Variants in GPR18 observed in about 807,000 individuals in gnomAD.
GPR18 encodes the protein G protein-coupled receptor 18.
GPR18 carries 20 observed loss-of-function variants against 22.8 expected under a neutral mutation model. The ratio of observed to expected loss-of-function variants is 0.88; its 90% CI spans 0.62 to 1.28. The LOEUF (loss-of-function observed/expected upper bound fraction) is 1.28, where lower values mean the gene tolerates loss of function less well. GPR18 is among the 50% of genes most tolerant of loss of function. The probability of loss-of-function intolerance (pLI) is 0.00; values close to 1 mark genes in which losing one functional copy is unlikely to be tolerated. For missense variants in GPR18, 379 were observed against 412.0 expected (o/e 0.92, Z 0.69); for synonymous variants, 160 against 155.3 (o/e 1.03, Z -0.22).
At position 99,254,853 on chromosome 13, in the gene GPR18, A is replaced by G; in HGVS notation, c.*24T>C. 2 of 1,575,824 alleles carry G rather than the reference A, an allele frequency of 1.3e-6. No individual in the cohort carries two copies. The highest frequency in any genetic ancestry group is 1.3e-5 in the African/African-American group (1 of 74,182). On this transcript the variant is annotated 3_prime_UTR_variant, in exon 2 of 2. Transcript: ENST00000397470. ...AGTTAGTGAAGTGAATTTTGATGGG[A>G]TTGAAATGAAAGAACCTTATTATTC...
chr13:99,255,451 G>A lies in GPR18; in HGVS notation c.422C>T (p.Ala141Val), dbSNP rs776777158. 9.9e-6 allele frequency: 16 copies of A among 1,613,904 alleles called. No homozygotes were observed. The highest frequency in any genetic ancestry group is 3.3e-5 in the Admixed American group (2 of 59,982). Residue 141 changes from alanine to valine, a missense_variant, in exon 2 of 2, where the codon GCG (alanine) becomes GTG (valine). Ala to Val is a moderately conservative substitution (Grantham distance 64, BLOSUM62 0). Coordinates refer to ENST00000397470, the MANE Select transcript of GPR18 (RefSeq NM_001098200.2). ...ELKNTCKAVLACVGVWIMTLT... is the reference protein window; with the variant it reads ...ELKNTCKAVLVCVGVWIMTLT... Reference sequence around the variant, plus strand: ...GGTCATTATCCAGACTCCCACACACGCCAGCACGGCTTTGCACGTGTTTTT... The same window carrying A: ...GGTCATTATCCAGACTCCCACACACACCAGCACGGCTTTGCACGTGTTTTT...
chr13:99,255,842 C>T lies in GPR18; in HGVS notation c.31G>A (p.Val11Ile). 3 of 1,597,780 alleles carry T rather than the reference C, an allele frequency of 1.9e-6. No homozygotes were observed. Among genetic ancestry groups the T allele is most frequent in the Non-Finnish European group, 2.6e-6 (3 of 1,172,538 alleles). MITLNNQDQP[V>I]PFNSSHPDEY... ...TCTGGATGTGAGCTGTTAAAAGGGA[C>T]AGGTTGATCTTGATTGTTCAGGGTG... The change falls in exon 2 of 2, where the codon GTC becomes ATC. Residue 11 changes from valine (V) to isoleucine (I), a missense_variant. Val to Ile is a conservative substitution (Grantham distance 29). Transcript: ENST00000397470.
intron 1 of GPR18, among the ~76,000 whole-genome samples, chr13:99,256,873 T>G (rs1302779441): frequency 6.6e-6 from 1 of 152,108 alleles, no homozygotes; most frequent in Non-Finnish European, 1.5e-5. Flanking sequence ...GGCATCCCCT[T>G]GTAATATGGA....
intron 1 of GPR18, chr13:99,256,197 G>A (rs2043553093): frequency 1.1e-5 from 2 of 187,290 alleles, no homozygotes; most frequent in African/African-American, 4.7e-5. Context: ...TTGATGAGAT[G>A]ATTCACAGCA....
rs768365665 is a variant in GPR18, at chr13:99,255,112, A to T, written c.761T>A (p.Phe254Tyr). ...CFMPFHICFA[F>Y]LMLGTGENSY... ...GTTCTCCCCCGTTCCCAGCATCAGG[A>T]AAGCGAAACAGATGTGGAAGGGCAT... Residue 254 changes from phenylalanine (F) to tyrosine (Y), a missense_variant, in exon 2 of 2, where the codon TTC becomes TAC. Phe to Tyr is a conservative substitution (Grantham distance 22). Transcript: ENST00000397470. 14 of 1,614,022 alleles carry T rather than the reference A, an allele frequency of 8.7e-6. 1 individual carries two copies. The South Asian group carries it at 1.4e-4, about 16-fold the overall frequency.
Position 99,254,976 on chromosome 13 carries a change from A to G in GPR18, c.897T>C (p.Ser299=), listed in dbSNP as rs1282120285. 1.2e-6 allele frequency: 2 copies of G among 1,613,992 alleles called. No homozygotes were observed. Among genetic ancestry groups the G allele is most frequent in the African/African-American group, 1.3e-5 (1 of 74,888 alleles). Residue 299 remains serine, a synonymous_variant, in exon 2 of 2, where the codon AGT becomes AGC. Transcript: ENST00000397470. The part of the protein sequence containing the change: ...VSKQFQARVI[S]VMLYRNYLRS... ...GAAGGTAATTACGGTATAGCATGACACTAATGACTCGAGCCTGAAATTGTT... is the reference window on the plus strand; with the variant it reads ...GAAGGTAATTACGGTATAGCATGACGCTAATGACTCGAGCCTGAAATTGTT...
At position 99,255,706 on chromosome 13, in the gene GPR18, G is replaced by A. The variant is rs753458670; in HGVS notation, c.167C>T (p.Thr56Met). Residue 56 changes from threonine to methionine, a missense_variant, in exon 2 of 2, where the codon ACG (threonine) becomes ATG (methionine). Physicochemically the swap from Thr to Met is moderately conservative, Grantham distance 81 (BLOSUM62 -1). Coordinates refer to ENST00000397470, the MANE Select transcript of GPR18 (RefSeq NM_001098200.2). The stretch of plus-strand genomic sequence containing the variant: ...CACATTCATCATATAGATGGTTACC[G>A]TGGTTCTCTTCTTGGTGGTACAACT... ...VFSCTTKKRTTVTIYMMNVAL... is the reference protein window; with the variant it reads ...VFSCTTKKRTMVTIYMMNVAL... 2.2e-5 allele frequency: 35 copies of A among 1,613,802 alleles called. No homozygotes were observed. The highest frequency in any genetic ancestry group is 2.4e-5 in the Non-Finnish European group (28 of 1,179,904).
At position 99,255,819 on chromosome 13, in the gene GPR18, T is replaced by C; in HGVS notation, c.54A>G (p.Pro18=). The C allele has an allele frequency of 6.2e-7, 1 of 1,608,522 alleles. No individual in the cohort carries two copies. The highest frequency in any genetic ancestry group is 8.5e-7 in the Non-Finnish European group (1 of 1,177,244). Residue 18 remains proline, a synonymous_variant, in exon 2 of 2, where the codon CCA becomes CCG. Coordinates refer to ENST00000397470, the MANE Select transcript of GPR18 (RefSeq NM_001098200.2). ...DQPVPFNSSH[P]DEYKIAALVF... ...CAAGGGCTGCAATTTTGTATTCATC[T>C]GGATGTGAGCTGTTAAAAGGGACAG...
intron 1 of GPR18, among the ~76,000 whole-genome samples, chr13:99,256,681 G>T (rs1340652607): frequency 6.8e-6 from 1 of 147,046 alleles, no homozygotes; most frequent in African/African-American, 2.5e-5. Flanking sequence ...AACTTGATGT[G>T]TATGTAGAAA....
At position 99,255,133 on chromosome 13, in the gene GPR18, G is replaced by A. The variant is rs2043522870; in HGVS notation, c.740C>T (p.Pro247Leu). ...CAGGAAAGCGAAACAGATGTGGAAG[G>A]GCATAAAGCAGACGAGCACCTGCAC... ...LLVQVLVCFMPFHICFAFLML... is the reference protein window; with the variant it reads ...LLVQVLVCFMLFHICFAFLML... Residue 247 changes from proline (P) to leucine (L), a missense_variant, in exon 2 of 2, where the codon CCC (proline) becomes CTC (leucine). Physicochemically the swap from Pro to Leu is moderately conservative, Grantham distance 98. Transcript: ENST00000397470. 2 of 1,613,962 alleles carry A rather than the reference G, an allele frequency of 1.2e-6. No individual in the cohort carries two copies. Among genetic ancestry groups the A allele is most frequent in the Non-Finnish European group, 1.7e-6 (2 of 1,180,022 alleles).
At chr13:99,256,432 TAGTGCACA>T (rs1463138980) in intron 1 of GPR18, 2 of 152,232 alleles carry the variant, frequency 1.3e-5, no homozygotes, top group Non-Finnish European at 2.9e-5. Flanking sequence ...AGCTGTTTTC[TAGTGCACA>T]ATTGGGAGTA....
chr13:99,256,430 T>C lies in GPR18; in HGVS notation c.-34-524A>G, dbSNP rs372329866. 18 of 152,316 alleles carry C rather than the reference T, an allele frequency of 1.2e-4. No homozygotes were observed. The East Asian group carries it at 2.9e-3, about 24-fold the overall frequency. The allele number at this position is 152,316 out of a possible 1,614,324, so 9.4% of individuals were successfully genotyped here. A position where few individuals can be genotyped will look rare whatever the true frequency, so the allele number is the denominator to read the frequency against. On this transcript the variant is annotated intron_variant, in intron 1 of 1. Transcript: ENST00000397470. ...TGTTAGAGCAATAGATGAGCTGTTTTCTAGTGCACAATTGGGAGTACGTAA... is the reference window on the plus strand; with the variant it reads ...TGTTAGAGCAATAGATGAGCTGTTTCCTAGTGCACAATTGGGAGTACGTAA...
intron 1 of GPR18, 84 bp from the exon 2 acceptor site, chr13:99,255,990 CAGTGAATTTTAAGTTCG>C (rs2043548534): frequency 1.0e-6 from 1 of 954,632 alleles, no homozygotes; most frequent in Admixed American, 2.7e-5. Context: ...GCTTGACTGC[CAGTGAATTTTAAGTTCG>C]AGAGCATTTA....
rs771435262 is a variant in GPR18 at position 99,255,125 on chromosome 13, T to G, written c.748A>C (p.Ile250Leu). The G allele has an allele frequency of 7.4e-6, 12 of 1,613,932 alleles. No individual in the cohort carries two copies. In the Admixed American group the frequency reaches 1.8e-4, roughly 25 times the overall value. Residue 250 changes from isoleucine (I) to leucine (L), a missense_variant, in exon 2 of 2, where the codon ATC becomes CTC. Coordinates refer to ENST00000397470, the MANE Select transcript of GPR18 (RefSeq NM_001098200.2). ...QVLVCFMPFH[I>L]CFAFLMLGTG... ...CCCAGCATCAGGAAAGCGAAACAGA[T>G]GTGGAAGGGCATAAAGCAGACGAGC...
rs760134164 is a variant in GPR18 at position 99,255,614 on chromosome 13, A to C, written c.259T>G (p.Trp87Gly). Residue 87 changes from tryptophan to glycine, a missense_variant, in exon 2 of 2, where the codon TGG becomes GGG. Physicochemically the swap from Trp to Gly is radical, Grantham distance 184. Transcript: ENST00000397470. Reference sequence around the variant, plus strand: ...TGGCAGAAGTACTCTCCAAATGGCCATTCATCTTTTGCATAATAAAACATT... The same window carrying C: ...TGGCAGAAGTACTCTCCAAATGGCCCTTCATCTTTTGCATAATAAAACATT... ...FRMFYYAKDE[W>G]PFGEYFCQIL... is the part of the protein sequence containing the mutation. The C allele has an allele frequency of 6.2e-7, 1 of 1,614,204 alleles. No homozygotes were observed. Among genetic ancestry groups the C allele is most frequent in the South Asian group, 1.1e-5 (1 of 91,086 alleles).
At chr13:99,258,035 A>C (rs1297152434) in intron 1 of GPR18, 119 bp downstream of exon 1, 2 of 152,226 alleles carry the variant, frequency 1.3e-5, no homozygotes, top group African/African-American at 4.8e-5. Context: ...AAAGTGTTGG[A>C]GTTACAGGCG....
At chr13:99,256,963 G>A (rs1265850178) in intron 1 of GPR18, among the ~76,000 whole-genome samples, 1 of 152,150 alleles carries the variant, frequency 6.6e-6, no homozygotes, top group African/African-American at 2.4e-5. Flanking sequence ...TCTCTTTAAG[G>A]AAAACTATGG....
chr13:99,255,557 T>C lies in GPR18; in HGVS notation c.316A>G (p.Ser106Gly), dbSNP rs1213449237. The C allele has an allele frequency of 1.2e-5, 20 of 1,614,042 alleles. No homozygotes were observed. Among genetic ancestry groups the C allele is most frequent in the Non-Finnish European group, 1.6e-5 (19 of 1,180,004 alleles). ...AAGGCAAGAAGCCATAAAGCAATGC[T>C]TGGGTAAAACACTGTGAGAGCTCCA... is the stretch of plus-strand genomic sequence containing the variant. ...ILGALTVFYP[S>G]IALWLLAFIS... Residue 106 changes from serine to glycine, a missense_variant, in exon 2 of 2, where the codon AGC becomes GGC. Ser to Gly is a moderately conservative substitution (Grantham distance 56, BLOSUM62 0). Coordinates refer to ENST00000397470, the MANE Select transcript of GPR18 (RefSeq NM_001098200.2).
rs367795735 is a variant in GPR18 at position 99,255,640 on chromosome 13, C to T, written c.233G>A (p.Arg78Gln). ...TTCATCTTTTGCATAATAAAACATT[C>T]GAAAGGGTAAAGTCATTATAAATAT... Reference protein sequence around the residue: ...DLIFIMTLPFRMFYYAKDEWP... With the variant: ...DLIFIMTLPFQMFYYAKDEWP... The change falls in exon 2 of 2, where the codon CGA becomes CAA. Residue 78 changes from arginine to glutamine, a missense_variant. Arg to Gln is a conservative substitution (Grantham distance 43). Transcript: ENST00000397470. 3.2e-5 allele frequency: 51 copies of T among 1,613,838 alleles called. No homozygotes were observed. The highest frequency in any genetic ancestry group is 3.9e-5 in the Non-Finnish European group (46 of 1,180,010).
Sources: allele counts gnomAD v4.1 joint callset (sites outside exome capture counted in the v4.1 genomes callset), GRCh38; gene constraint gnomAD v4.1.1; transcripts MANE v1.5; gene names NCBI Gene and HGNC (gene_info 2026-07-23, HGNC 2026-07-21).